DGKZ: variants seen among roughly 807,000 people sequenced by gnomAD.
DGKZ encodes diacylglycerol kinase zeta.
A neutral mutation model predicts 142.5 loss-of-function variants in DGKZ; 45 were observed. The observed-to-expected ratio is 0.32, with a 90% CI of 0.25 to 0.40. The LOEUF (loss-of-function observed/expected upper bound fraction) is 0.40. Among genes scored for constraint, DGKZ ranks in the 10% least tolerant of loss-of-function variants. The probability of loss-of-function intolerance (pLI) is 1.00; values close to 1 mark genes in which losing one functional copy is unlikely to be tolerated. For synonymous variants in DGKZ, 442 were observed against 527.0 expected, an observed-to-expected ratio of 0.84 and a Z score of 2.21; for missense variants, 755 against 1,306.5, an observed-to-expected ratio of 0.58 and a Z score of 6.51.
At position 46,372,945 on chromosome 11, in the gene DGKZ, C is replaced by T. The variant is rs1031836736; in HGVS notation, c.1186-16C>T. On this transcript the variant is annotated splice_polypyrimidine_tract_variant and intron_variant, in intron 13 of 30. Coordinates refer to ENST00000527911, the Ensembl canonical transcript of DGKZ. This position sits in a 1 kb window ranked among gnomAD's most constrained non-coding sequence, Gnocchi z 5.9. Reference sequence around the variant, plus strand: ...TCTCCAGCCACAGAGGGCTCAGTCCCTGCCTGCTCCCCCAGGGCTACACAG... The same window carrying T: ...TCTCCAGCCACAGAGGGCTCAGTCCTTGCCTGCTCCCCCAGGGCTACACAG... 5.2e-6 allele frequency: 8 copies of T among 1,551,108 alleles called. No homozygotes were observed. Among genetic ancestry groups the T allele is most frequent in the Non-Finnish European group, 7.0e-6 (8 of 1,146,494 alleles).
intron 1 of DGKZ, among the ~76,000 whole-genome samples, chr11:46,350,647 T>A (rs1752441455): frequency 6.6e-6 from 1 of 152,166 alleles, no homozygotes; most frequent in Non-Finnish European, 1.5e-5. Context: ...GAGAGTTCCA[T>A]GAACAATTAG....
intron 1 of DGKZ, chr11:46,338,553 C>CAAG (rs914452410): frequency 8.9e-6 from 1 of 112,386 alleles, no homozygotes; most frequent in African/African-American, 3.3e-5. Context: ...CCTACAAAAA[C>CAAG]AAGCAGCAGG....
intron 1 of DGKZ, chr11:46,366,949 G>A: frequency 1.3e-6 from 2 of 1,538,232 alleles, no homozygotes; most frequent in Non-Finnish European, 1.7e-6. Context: ...TACGGCGCAA[G>A]GCGGCCGGAC....
chr11:46,376,686 CT>C, intron 24 of DGKZ, 122 bp downstream of exon 24: 1 of 1,318,142 alleles, frequency 7.6e-7, no homozygotes, highest in Non-Finnish European at 1.1e-6. Flanking sequence ...CCTCTGAGAG[CT>C]TTTACTATTG....
chr11:46,374,277 G>T (rs1277324695), intron 15 of DGKZ, 42 bp downstream of exon 15: 6 of 1,612,538 alleles, frequency 3.7e-6, no homozygotes, highest in Admixed American at 1.7e-5. Context: ...GTGGGCACAG[G>T]AGTGTCCCCG....
rs758152173 is a variant in DGKZ, at chr11:46,375,478, G to A, written c.1757G>A (p.Arg586His). ...CACGGCGAGCGGCTGACGCAGTGTC[G>A]CGAGGTGGTGCTCACCACATCCAAG... is the stretch of plus-strand genomic sequence containing the variant. Residue 586 changes from arginine to histidine, a missense_variant, in exon 20 of 31, where the codon CGC becomes CAC. Arg to His is a conservative substitution (Grantham distance 29). Coordinates refer to ENST00000527911, the Ensembl canonical transcript of DGKZ. The A allele has an allele frequency of 7.6e-6, 12 of 1,584,300 alleles. No individual in the cohort carries two copies. Among genetic ancestry groups the A allele is most frequent in the South Asian group, 6.8e-5 (6 of 87,682 alleles).
intron 1 of DGKZ, among the ~76,000 whole-genome samples, chr11:46,342,373 T>TCCAGCCTG (rs1940322121): frequency 6.6e-6 from 1 of 152,236 alleles, no homozygotes; most frequent in African/African-American, 2.4e-5. Flanking sequence ...TCTTGAAGCC[T>TCCAGCCTG]CCAGCCTGCC....
Position 46,377,212 on chromosome 11 carries a change from G to A in DGKZ, c.2342G>A (p.Arg781Gln), listed in dbSNP as rs1248059680. 1.4e-5 allele frequency: 22 copies of A among 1,582,002 alleles called. No homozygotes were observed. The highest frequency in any genetic ancestry group is 3.5e-5 in the South Asian group (3 of 85,872). Reference sequence around the variant, plus strand: ...ACCTCACCCTGCTCACCCACGCCCCGGTGAGTCCTGGTGTCCCGTCCCTCC... The same window carrying A: ...ACCTCACCCTGCTCACCCACGCCCCAGTGAGTCCTGGTGTCCCGTCCCTCC... Residue 781 changes from arginine to glutamine, a missense_variant and splice_region_variant, in exon 25 of 31, where the codon CGG becomes CAG. Arg to Gln is a conservative substitution (Grantham distance 43). Around this residue, in one of 8 missense-constraint regions of DGKZ, gnomAD observed 87 missense variants for 112.2 expected, o/e 0.78. Transcript: ENST00000527911.
intron 4 of DGKZ, 30 bp from the exon 5 acceptor site, chr11:46,369,464 C>A: frequency 6.2e-7 from 1 of 1,613,994 alleles, no homozygotes; most frequent in Non-Finnish European, 8.5e-7. Flanking sequence ...GAGGTTCTGA[C>A]ATTTTGGTGG....
At chr11:46,347,320 A>G (rs1409341787), upstream of DGKZ, 9 of 984,822 alleles carry the variant, frequency 9.1e-6, no homozygotes, top group South Asian at 4.7e-5. The surrounding 1 kb of genome is among the most constrained non-coding windows in gnomAD (Gnocchi z 6.4). Flanking sequence ...CGCCCCTCGG[A>G]CCGCCCCAGC....
chr11:46,333,050 C>A (rs1939847885), exon 1 of DGKZ: 3 of 359,592 alleles, frequency 8.3e-6, no homozygotes, highest in East Asian at 8.5e-5. Flanking sequence ...CAGCCAGGAG[C>A]CCCCGCCCCC....
chr11:46,379,060 C>T lies in DGKZ; in HGVS notation c.2488C>T (p.His830Tyr), dbSNP rs765552283. The T allele has an allele frequency of 1.9e-6, 3 of 1,599,868 alleles. No homozygotes were observed. In the Admixed American group the frequency reaches 5.0e-5, roughly 27 times the overall value. ...CGAGCAGAGTCGCACGCTCCTGCAC[C>T]ACGCAGTCAGCACTGGCAGCAAGGA... The change falls in exon 28 of 31, where the codon CAC (histidine) becomes TAC (tyrosine). Residue 830 changes from histidine to tyrosine, a missense_variant. By Grantham distance (83) the His-to-Tyr change is moderately conservative (BLOSUM62 2). Transcript: ENST00000527911.
chr11:46,364,839 T>G (rs557493860), intron 1 of DGKZ: 194 of 982,142 alleles, frequency 2.0e-4, no homozygotes, highest in African/African-American at 1.3e-3. Flanking sequence ...CCACAGGGCT[T>G]CTTCTGTCAG....
At chr11:46,344,349 G>A (rs774460157), upstream of DGKZ, among the ~76,000 whole-genome samples, 2 of 152,006 alleles carry the variant, frequency 1.3e-5, no homozygotes, top group Non-Finnish European at 2.9e-5. Context: ...TCTCCGATAC[G>A]GTGCCTGATG....
chr11:46,334,462 C>G (rs1939913795), intron 1 of DGKZ, among the ~76,000 whole-genome samples: 1 of 152,246 alleles, frequency 6.6e-6, no homozygotes, highest in South Asian at 2.1e-4. Context: ...TGAGGCTGCC[C>G]TGGTTCTCCC....
intron 1 of DGKZ, among the ~76,000 whole-genome samples, chr11:46,335,427 G>GCA (rs56935902): frequency 0.061 from 8,991 of 147,832 alleles, 295 homozygotes; most frequent in African/African-American, 0.085. Context: ...ACACGTGCAC[G>GCA]CACACACACA....
At chr11:46,375,369 G>C (rs1944418612) in intron 19 of DGKZ, 63 bp from the exon 20 acceptor site, 4 of 1,491,820 alleles carry the variant, frequency 2.7e-6, no homozygotes, top group Non-Finnish European at 3.6e-6. Flanking sequence ...GGAAGGAGCA[G>C]AGTCTGGGAC....
intron 25 of DGKZ, 103 bp downstream of exon 25, chr11:46,377,315 A>G (rs1359005815): frequency 6.9e-7 from 1 of 1,443,004 alleles, no homozygotes; most frequent in African/African-American, 1.4e-5. Flanking sequence ...AGTTAACTAA[A>G]TGGTGTCAAC....
chr11:46,373,854 C>T (rs1026763845), intron 14 of DGKZ, among the ~76,000 whole-genome samples: 19 of 152,254 alleles, frequency 1.2e-4, no homozygotes, highest in African/African-American at 4.6e-4. Context: ...CTGCCAGGCA[C>T]TTCTCTAAGC....
Sources: allele counts gnomAD v4.1 joint callset (sites outside exome capture counted in the v4.1 genomes callset), GRCh38; gene constraint gnomAD v4.1.1; regional missense constraint gnomAD v4.1.1; non-coding constraint Gnocchi (gnomAD v3.1); transcripts MANE v1.5; gene names NCBI Gene and HGNC (gene_info 2026-07-23, HGNC 2026-07-21).